Variants in CUX1 observed in about 807,000 individuals in gnomAD.
The protein encoded by CUX1 is cut like homeobox 1.
CUX1 carries 31 observed loss-of-function variants against 158.8 expected under a neutral mutation model. The ratio of observed to expected loss-of-function variants is 0.20; its 90% confidence interval spans 0.15 to 0.26. CUX1 has a LOEUF of 0.26. Among genes scored for constraint, CUX1 ranks in the 10% least tolerant of loss-of-function variants. The pLI is 1.00. For synonymous variants in CUX1, 879 were observed against 862.1 expected (o/e 1.02, Z -0.34); for missense variants, 1,589 against 2,014.6 (o/e 0.79, Z 4.04).
At position 102,275,920 on chromosome 7, in the gene CUX1, G is replaced by A. The variant is rs143571764; in HGVS notation, c.1563+561G>A. 4.4e-3 allele frequency among the ~76,000 whole-genome samples: 672 copies of A among 151,492 alleles called. 7 individuals are homozygous for A. The highest frequency in any genetic ancestry group is 0.016 in the African/African-American group (641 of 41,266). On this transcript the variant is annotated intron_variant, in intron 17 of 22. Transcript: ENST00000292538. ...GCTACTTGGGAGGCTGAGGCAGGAG[G>A]ATCGCTTGAACCTGGGAGGTAGAGG...
chr7:102,199,893 T>C (rs571648195), intron 16 of CUX1, among the ~76,000 whole-genome samples, 178 bp from the exon 17 acceptor site: 54 of 152,360 alleles, frequency 3.5e-4, no homozygotes, highest in African/African-American at 1.1e-3. Flanking sequence ...AAATCCCTCC[T>C]GCCCGGTGTC....
chr7:102,158,663 G>A, intron 9 of CUX1, 55 bp downstream of exon 9: 3 of 1,569,670 alleles, frequency 1.9e-6, no homozygotes, highest in Non-Finnish European at 2.6e-6. Context: ...CCCGTTTCTG[G>A]CATCTCGGAA....
intron 8 of CUX1, among the ~76,000 whole-genome samples, chr7:102,127,972 T>C (rs574203536): frequency 6.6e-6 from 1 of 152,322 alleles, no homozygotes; most frequent in Middle Eastern, 3.4e-3. Context: ...CTCGGCCTCC[T>C]GAGTAGCTGG....
At position 102,222,811 on chromosome 7, in the gene CUX1, C is replaced by CTTTTT. The variant is rs71123016; in HGVS notation, c.3131-4534_3131-4530dup. Among the ~76,000 whole-genome samples, 43 of 25,526 alleles carry CTTTTT rather than the reference C, an allele frequency of 1.7e-3. 14 individuals carry two copies. Among genetic ancestry groups the CTTTTT allele is most frequent in the African/African-American group, 6.7e-3 (39 of 5,802 alleles). 16.7% of individuals were successfully genotyped at this position (25,526 alleles called of 152,430 possible). On this transcript the variant is annotated intron_variant, in intron 20 of 23. Coordinates refer to ENST00000292535, the MANE Select transcript of CUX1 (RefSeq NM_181552.4). Reference sequence around the variant, plus strand: ...GGCTGTGTGTCTCGGGGCACCGTATCTTTTTTTTTTTTTTTTTTTTTTTTT... The same window carrying CTTTTT: ...GGCTGTGTGTCTCGGGGCACCGTATCTTTTTTTTTTTTTTTTTTTTTTTTTTTTTT...
chr7:102,258,243 G>A, downstream of CUX1: 1 of 954,728 alleles, frequency 1.0e-6, no homozygotes, highest in Non-Finnish European at 1.2e-6. Flanking sequence ...AGAATGTGTG[G>A]GTTGTTTTTA....
intron 2 of CUX1, among the ~76,000 whole-genome samples, chr7:101,948,591 G>T (rs2129150643): frequency 6.6e-6 from 1 of 152,186 alleles, no homozygotes; most frequent in South Asian, 2.1e-4. Context: ...CTTGAGTCTG[G>T]GCCTCTGTAT....
At chr7:101,846,305 C>T (rs925818435) in intron 1 of CUX1, among the ~76,000 whole-genome samples, 13 of 151,982 alleles carry the variant, frequency 8.6e-5, no homozygotes, top group East Asian at 1.9e-4. Context: ...TTTTCCAAGC[C>T]GCTTTTAAAT....
At chr7:102,111,556 C>G in intron 6 of CUX1, 142 bp from the exon 7 acceptor site, 1 of 697,796 alleles carries the variant, frequency 1.4e-6, no homozygotes, top group Non-Finnish European at 2.5e-6. Context: ...GCCCACGGCA[C>G]ACGTGTCGTT....
chr7:101,880,084 T>A (rs1799560492), intron 1 of CUX1, among the ~76,000 whole-genome samples: 1 of 152,022 alleles, frequency 6.6e-6, no homozygotes, highest in Admixed American at 6.6e-5. Context: ...TGATTTTTTT[T>A]TAAAAAGGCT....
Position 101,924,943 on chromosome 7 carries a change from C to T in CUX1, c.141+8718C>T, listed in dbSNP as rs182252488. Among the ~76,000 whole-genome samples the T allele has an allele frequency of 1.8e-4, 28 of 152,234 alleles. No homozygotes were observed. The East Asian group carries it at 5.0e-3, about 27-fold the overall frequency. On this transcript the variant is annotated intron_variant, in intron 2 of 23. Coordinates refer to ENST00000292535, the MANE Select transcript of CUX1 (RefSeq NM_181552.4). ...CTACTCCTTGATATGTCAGTGTTACCCACTGGACTCTCAACTCTTCTCTGT... is the reference window on the plus strand; with the variant it reads ...CTACTCCTTGATATGTCAGTGTTACTCACTGGACTCTCAACTCTTCTCTGT...
intron 9 of CUX1, among the ~76,000 whole-genome samples, chr7:102,169,874 G>A (rs1180290755): frequency 1.3e-5 from 2 of 152,200 alleles, no homozygotes; most frequent in African/African-American, 4.8e-5. Flanking sequence ...AAAATGCCAG[G>A]ATCAGCATTC....
intron 1 of CUX1, among the ~76,000 whole-genome samples, chr7:101,871,756 G>A (rs1022952497): frequency 2.6e-5 from 4 of 152,124 alleles, no homozygotes; most frequent in Non-Finnish European, 5.9e-5. Context: ...CGTGGCTCTC[G>A]CCTGTAATCC....
At chr7:102,178,802 C>T in intron 11 of CUX1, 145 bp downstream of exon 11, 1 of 831,314 alleles carries the variant, frequency 1.2e-6, no homozygotes. Flanking sequence ...CAAGCAGAGT[C>T]CCGGAGTCCA....
At chr7:102,048,238 C>A (rs1823048987) in intron 3 of CUX1, among the ~76,000 whole-genome samples, 1 of 152,110 alleles carries the variant, frequency 6.6e-6, no homozygotes, top group South Asian at 2.1e-4. Context: ...CTGGTCCTGT[C>A]CTGAAATCTT....
chr7:102,081,915 C>CA (rs1827461992), intron 4 of CUX1, among the ~76,000 whole-genome samples: 2 of 146,946 alleles, frequency 1.4e-5, no homozygotes, highest in African/African-American at 4.9e-5. Flanking sequence ...CATGAGCCAC[C>CA]ATGCCTGGCC....
chr7:101,818,731 A>G (rs10273927), intron 1 of CUX1, among the ~76,000 whole-genome samples: 2,279 of 152,302 alleles, frequency 0.015, 47 homozygotes, highest in African/African-American at 0.052. Context: ...ACGGAATGTC[A>G]AAGTTCAAGT....
At chr7:102,211,568 G>T (rs1026763894) in intron 20 of CUX1, among the ~76,000 whole-genome samples, 1 of 151,964 alleles carries the variant, frequency 6.6e-6, no homozygotes, top group African/African-American at 2.4e-5. Flanking sequence ...ATCACCTGAC[G>T]TCAGGAGTTC....
intron 2 of CUX1, among the ~76,000 whole-genome samples, chr7:101,924,813 G>A (rs1173754791): frequency 6.6e-6 from 1 of 151,896 alleles, no homozygotes; most frequent in South Asian, 2.1e-4. Flanking sequence ...GGGCTCAAGC[G>A]ATCCTCCCAC....
chr7:102,234,914 C>A (rs1799387730), intron 22 of CUX1, among the ~76,000 whole-genome samples: 1 of 151,930 alleles, frequency 6.6e-6, no homozygotes, highest in South Asian at 2.1e-4. Context: ...CAGACCATGA[C>A]CCTATCTCAA....
Sources: gnomAD v4.1 joint callset for allele counts (sites outside exome capture counted in the v4.1 genomes callset) on GRCh38, gnomAD v4.1.1 for gene constraint, MANE v1.5 for transcripts, NCBI Gene and HGNC (gene_info 2026-07-23, HGNC 2026-07-21) for gene names.